SLC44A3: variants seen among roughly 807,000 people sequenced by gnomAD.
SLC44A3 encodes choline transporter-like protein 3.
In SLC44A3, 74 loss-of-function variants were observed where a neutral mutation model predicts 75.4. The observed-to-expected ratio is 0.98, with a 90% CI of 0.81 to 1.19. SLC44A3 has a LOEUF of 1.19. Ranked by LOEUF, SLC44A3 falls within the 50% of genes most tolerant of loss-of-function variation. The pLI is 0.00. For synonymous variants in SLC44A3, 310 were observed against 296.9 expected (o/e 1.04, Z -0.45); for missense variants, 700 against 778.6 (o/e 0.90, Z 1.20).
chr1:94,889,064 C>G (rs9432404), intron 12 of SLC44A3: 8,825 of 152,130 alleles, frequency 0.058, 355 homozygotes, highest in African/African-American at 0.1. Context: ...CCTGGCCCAG[C>G]CTTTTGTCTT....
intron 12 of SLC44A3, among the ~76,000 whole-genome samples, chr1:94,879,011 G>T (rs1276713860): frequency 6.6e-6 from 1 of 152,126 alleles, no homozygotes; most frequent in Non-Finnish European, 1.5e-5. Context: ...ATTGGATTTG[G>T]CAGTGATTGC....
At chr1:94,857,573 A>G in intron 10 of SLC44A3, 73 bp downstream of exon 10, 1 of 1,424,880 alleles carries the variant, frequency 7.0e-7, no homozygotes. Context: ...ATATCTCAAA[A>G]GATATTTGGG....
At chr1:94,887,996 T>C (rs948963561) in intron 12 of SLC44A3, among the ~76,000 whole-genome samples, 3 of 152,214 alleles carry the variant, frequency 2.0e-5, no homozygotes, top group Non-Finnish European at 4.4e-5. Context: ...TGGATGATAA[T>C]AACCACTCTT....
intron 12 of SLC44A3, among the ~76,000 whole-genome samples, chr1:94,888,401 C>T (rs1402350920): frequency 6.6e-6 from 1 of 152,216 alleles, no homozygotes; most frequent in Non-Finnish European, 1.5e-5. Context: ...TCTTCACCCA[C>T]CCATCCTACA....
In SLC44A3 at chr1:94,829,154, A is replaced by G. The variant is rs1171882184; in HGVS notation, c.509+568A>G. Among the ~76,000 whole-genome samples the G allele has an allele frequency of 2.0e-5, 3 of 152,086 alleles. No individual in the cohort carries two copies. In the East Asian group the frequency reaches 5.8e-4, roughly 29 times the overall value. Reference sequence around the variant, plus strand: ...AAAAATTAGCCGGGTGTGGTGGTGCATGCCTGTAGTCCCAGCTACTTGGGA... The same window carrying G: ...AAAAATTAGCCGGGTGTGGTGGTGCGTGCCTGTAGTCCCAGCTACTTGGGA... On this transcript the variant is annotated intron_variant, in intron 5 of 14. Coordinates refer to ENST00000271227, the MANE Select transcript of SLC44A3 (RefSeq NM_001114106.3).
intron 10 of SLC44A3, among the ~76,000 whole-genome samples, chr1:94,861,589 C>G (rs565648692): frequency 6.6e-6 from 1 of 152,288 alleles, no homozygotes; most frequent in East Asian, 1.9e-4. Context: ...TTAAAGAGCT[C>G]TGCTTCCTTT....
At chr1:94,869,218 C>A (rs1667496091) in intron 12 of SLC44A3, among the ~76,000 whole-genome samples, 1 of 152,234 alleles carries the variant, frequency 6.6e-6, no homozygotes, top group Non-Finnish European at 1.5e-5. Context: ...TAATCCAGGA[C>A]CATTTCCCTT....
At chr1:94,830,502 C>T (rs138285090) in intron 5 of SLC44A3, among the ~76,000 whole-genome samples, 2,318 of 152,258 alleles carry the variant, frequency 0.015, 46 homozygotes, top group East Asian at 0.05. Flanking sequence ...TGATCCACCA[C>T]GCCTGGCCTA....
chr1:94,864,176 C>A (rs1666897464), intron 10 of SLC44A3, among the ~76,000 whole-genome samples: 1 of 152,122 alleles, frequency 6.6e-6, no homozygotes, highest in African/African-American at 2.4e-5. Flanking sequence ...GTAAATGATT[C>A]ACACTGAAGT....
intron 14 of SLC44A3, 119 bp downstream of exon 14, chr1:94,892,636 C>A (rs1397402656): frequency 3.1e-6 from 3 of 961,050 alleles, no homozygotes; most frequent in African/African-American, 1.6e-5. Context: ...GGCTCTGAGG[C>A]TTCTACTACC....
chr1:94,866,981 G>T (rs1667233702), intron 11 of SLC44A3, among the ~76,000 whole-genome samples: 1 of 151,534 alleles, frequency 6.6e-6, no homozygotes, highest in Non-Finnish European at 1.5e-5. Flanking sequence ...TATAAACTTT[G>T]GTTTGAAAAA....
At chr1:94,839,893 A>G (rs544255331) in intron 6 of SLC44A3, 55 bp from the exon 7 acceptor site, 3 of 1,290,652 alleles carry the variant, frequency 2.3e-6, no homozygotes, top group East Asian at 2.3e-5. Flanking sequence ...TACTACCATC[A>G]TCTCCCCTAT....
chr1:94,894,772 A>G (rs1253308509), intron 14 of SLC44A3, 46 bp from the exon 15 acceptor site: 9 of 1,514,228 alleles, frequency 5.9e-6, no homozygotes, highest in Non-Finnish European at 8.1e-6. Context: ...CGTTATCAAC[A>G]GTACAGACAC....
Position 94,857,469 on chromosome 1 carries a change from G to C in SLC44A3, c.1207G>C (p.Ala403Pro). 1 of 1,613,118 alleles carries C rather than the reference G, an allele frequency of 6.2e-7. No individual in the cohort carries two copies. The highest frequency in any genetic ancestry group is 1.1e-5 in the South Asian group (1 of 90,798). ...CCTTGCGTGCCAGCAAATGACTATA[G>C]CTGGGGCAGTGGTTACTTGTTATTT... ...FILACQQMTI[A>P]GAVVTCYFNR... Residue 403 changes from alanine to proline, a missense_variant, in exon 10 of 15, where the codon GCT (alanine) becomes CCT (proline). Physicochemically the swap from Ala to Pro is conservative, Grantham distance 27. Coordinates refer to ENST00000271227, the MANE Select transcript of SLC44A3 (RefSeq NM_001114106.3).
chr1:94,871,924 G>A (rs1667802431), intron 12 of SLC44A3, among the ~76,000 whole-genome samples: 1 of 152,112 alleles, frequency 6.6e-6, no homozygotes, highest in Admixed American at 6.5e-5. Flanking sequence ...TAACTGCCGA[G>A]GCAATGCCTG....
chr1:94,875,198 A>G (rs1256387100), intron 12 of SLC44A3, among the ~76,000 whole-genome samples: 1 of 152,164 alleles, frequency 6.6e-6, no homozygotes. Flanking sequence ...CAGTCCCTTA[A>G]GTTCACCTCC....
At chr1:94,829,595 C>T (rs1374581232) in intron 5 of SLC44A3, among the ~76,000 whole-genome samples, 2 of 152,164 alleles carry the variant, frequency 1.3e-5, no homozygotes, top group Admixed American at 6.5e-5. Flanking sequence ...CTCATGTTTA[C>T]ACCTTTGAGA....
rs757246523 is a variant in SLC44A3 at position 94,824,592 on chromosome 1, G to A, written c.235G>A (p.Val79Met). 5.0e-6 allele frequency: 8 copies of A among 1,609,530 alleles called. No individual in the cohort carries two copies. In the Admixed American group the frequency reaches 6.8e-5, roughly 14 times the overall value. The change falls in exon 3 of 15, where the codon GTG becomes ATG. Residue 79 changes from valine to methionine, a missense_variant. By Grantham distance (21) the Val-to-Met change is conservative. Transcript: ENST00000271227. Reference sequence around the variant, plus strand: ...CATGTGTGGCAAGAAGAACTCCCCCGTGGAAGGGGCCCCTCTTTCAGGGCA... The same window carrying A: ...CATGTGTGGCAAGAAGAACTCCCCCATGGAAGGGGCCCCTCTTTCAGGGCA... The part of the protein sequence containing the change: ...GNMCGKKNSP[V>M]EGAPLSGQDM...
chr1:94,872,249 G>T (rs968607484), intron 12 of SLC44A3, among the ~76,000 whole-genome samples: 3 of 151,922 alleles, frequency 2.0e-5, no homozygotes. Context: ...TTACAGGCTT[G>T]TCCCACCACA....
Sources: allele counts gnomAD v4.1 joint callset (sites outside exome capture counted in the v4.1 genomes callset), GRCh38; gene constraint gnomAD v4.1.1; transcripts MANE v1.5; gene names NCBI Gene and HGNC (gene_info 2026-07-23, HGNC 2026-07-21).